Variants in DUS2 observed in about 807,000 individuals in gnomAD.
DUS2 encodes tRNA-dihydrouridine(20) synthase [NAD(P)+]-like.
A neutral mutation model predicts 71.3 loss-of-function variants in DUS2; 52 were observed. That is an observed-to-expected ratio of 0.73 (90% CI 0.58 to 0.92). The LOEUF (loss-of-function observed/expected upper bound fraction) is 0.92, where lower values mean the gene tolerates loss of function less well. DUS2 is among the 40% of genes least tolerant of loss of function. The pLI, the probability that DUS2 is intolerant of heterozygous loss-of-function variation, is 0.00. For missense variants in DUS2, 558 were observed against 622.6 expected (o/e 0.90, Z 1.10); for synonymous variants, 204 against 227.8 (o/e 0.90, Z 0.94).
chr16:68,077,650 A>G (rs568867082), intron 15 of DUS2: 1 of 152,196 alleles, frequency 6.6e-6, no homozygotes, highest in Non-Finnish European at 1.5e-5. Flanking sequence ...CGGCCTCCCA[A>G]AGTGCTAGGA....
chr16:68,037,208 C>G (rs2033543419), intron 2 of DUS2, among the ~76,000 whole-genome samples: 1 of 150,198 alleles, frequency 6.7e-6, no homozygotes, highest in East Asian at 2.0e-4. Flanking sequence ...GAGACTGGGT[C>G]AGTGACTGGC....
intron 3 of DUS2, among the ~76,000 whole-genome samples, chr16:68,043,303 G>A (rs1399113957): frequency 1.3e-5 from 2 of 152,134 alleles, no homozygotes; most frequent in African/African-American, 4.8e-5. Context: ...CTACTGGGGA[G>A]GCTGAGACAG....
intron 2 of DUS2, among the ~76,000 whole-genome samples, chr16:68,032,258 C>G (rs1311007260): frequency 6.6e-6 from 1 of 152,176 alleles, no homozygotes; most frequent in Non-Finnish European, 1.5e-5. Context: ...AGGCTGTCCT[C>G]TTGGCTACCA....
intron 10 of DUS2, among the ~76,000 whole-genome samples, chr16:68,068,860 A>T (rs2034045707): frequency 6.7e-6 from 1 of 149,246 alleles, no homozygotes; most frequent in African/African-American, 2.5e-5. Flanking sequence ...TTGGCTTCCC[A>T]AAGTGCAGGG....
chr16:68,046,442 G>A (rs981028437), intron 3 of DUS2, among the ~76,000 whole-genome samples: 1 of 151,264 alleles, frequency 6.6e-6, no homozygotes, highest in Non-Finnish European at 1.5e-5. Context: ...GCAGTGGCAC[G>A]ATCTCAGCTC....
At chr16:68,032,423 C>A (rs1318831587) in intron 2 of DUS2, among the ~76,000 whole-genome samples, 2 of 152,166 alleles carry the variant, frequency 1.3e-5, no homozygotes, top group South Asian at 2.1e-4. Context: ...GAGGATTGAA[C>A]AAGAAACTAC....
At chr16:68,031,075 T>C (rs2033430098) in intron 2 of DUS2, among the ~76,000 whole-genome samples, 2 of 152,122 alleles carry the variant, frequency 1.3e-5, no homozygotes, top group African/African-American at 4.8e-5. Context: ...GTAATTCAGA[T>C]AAAATGCTCT....
chr16:68,056,479 A>G (rs967365728), intron 7 of DUS2, 55 bp downstream of exon 7: 17 of 1,404,438 alleles, frequency 1.2e-5, no homozygotes, highest in Admixed American at 6.7e-5. Context: ...TAAGAGGCTG[A>G]CAAGACATAA....
chr16:68,053,873 C>T, intron 5 of DUS2: 1 of 517,068 alleles, frequency 1.9e-6, no homozygotes, highest in Admixed American at 3.4e-5. Flanking sequence ...TCTTATATGT[C>T]TCTAGTCTCA....
At chr16:68,078,711 C>A in intron 16 of DUS2, 38 bp from the exon 17 acceptor site, 3 of 1,576,094 alleles carry the variant, frequency 1.9e-6, no homozygotes, top group South Asian at 2.3e-5. Flanking sequence ...CATAGCCCTG[C>A]ACCCTGCCCC....
intron 1 of DUS2, chr16:68,024,110 T>TC (rs1430272261): frequency 6.6e-6 from 1 of 152,042 alleles, no homozygotes; most frequent in Non-Finnish European, 1.5e-5. Context: ...TTTTTTTTTT[T>TC]TTCTGAGACA....
chr16:68,023,543 T>G, intron 1 of DUS2, 192 bp downstream of exon 1: 1 of 309,690 alleles, frequency 3.2e-6, no homozygotes, highest in Non-Finnish European at 6.4e-6. Context: ...TGTTCCTCAT[T>G]GCCCTGAGAT....
At chr16:68,038,527 C>T (rs918294966) in intron 3 of DUS2, among the ~76,000 whole-genome samples, 1 of 150,746 alleles carries the variant, frequency 6.6e-6, no homozygotes, top group Non-Finnish European at 1.5e-5. Context: ...GTCAGGAGTT[C>T]GAGACCAGTC....
At chr16:68,026,758 C>T (rs1017480955) in intron 2 of DUS2, among the ~76,000 whole-genome samples, 2 of 151,936 alleles carry the variant, frequency 1.3e-5, no homozygotes, top group African/African-American at 2.4e-5. Flanking sequence ...CACCTGTAAT[C>T]CCAGCTACTC....
Position 68,079,145 on chromosome 16 carries a change from C to T in DUS2, c.*159C>T. On this transcript the variant is annotated 3_prime_UTR_variant, in exon 17 of 17. Transcript: ENST00000565263. ...ATCAGCCTAGAGCATGGACCAGGGG[C>T]CGCCCAGGGGTGGATCCTGGCCCCT... The T allele has an allele frequency of 1.6e-6, 1 of 624,436 alleles. No individual in the cohort carries two copies. 38.7% of individuals were successfully genotyped at this position (624,436 alleles called of 1,614,324 possible).
chr16:68,076,642 C>A lies in DUS2; in HGVS notation c.1093C>A (p.Pro365Thr), dbSNP rs2034160823. 3.1e-6 allele frequency: 5 copies of A among 1,613,734 alleles called. No homozygotes were observed. The highest frequency in any genetic ancestry group is 1.7e-5 in the Admixed American group (1 of 59,986). ...MAVKFDRRAY[P>T]AQITPKMCLL... ...CCTTCCTTTCCCCAGGAGAGCATAC[C>A]CAGCCCAGATCACCCCTAAGATGTG... Residue 365 changes from proline to threonine, a missense_variant, in exon 15 of 17, where the codon CCA becomes ACA. Coordinates refer to ENST00000565263, the MANE Select transcript of DUS2 (RefSeq NM_017803.5).
At chr16:68,062,276 G>T (rs2033950833) in intron 8 of DUS2, among the ~76,000 whole-genome samples, 1 of 151,938 alleles carries the variant, frequency 6.6e-6, no homozygotes, top group Non-Finnish European at 1.5e-5. Context: ...CTCCCAAAGT[G>T]CTGGGATTAC....
intron 13 of DUS2, among the ~76,000 whole-genome samples, chr16:68,074,570 T>G (rs1369044376): frequency 6.6e-6 from 1 of 152,174 alleles, no homozygotes; most frequent in Non-Finnish European, 1.5e-5. Context: ...CAGCTCTAGC[T>G]CAGATGGTTG....
At position 68,075,504 on chromosome 16, in the gene DUS2, G is replaced by C; in HGVS notation, c.1082G>C (p.Arg361Pro). The change falls in exon 14 of 17, where the codon CGG becomes CCG. Residue 361 changes from arginine (R) to proline (P), a missense_variant and splice_region_variant. Coordinates refer to ENST00000565263, the MANE Select transcript of DUS2 (RefSeq NM_017803.5). ...ATTAAGATGGCTGTCAAGTTTGACC[G>C]GTAGGTCTCCAGCTTGGCCTCAGCT... ...GVIKMAVKFD[R>P]RAYPAQITPK... 6.2e-7 allele frequency: 1 copy of C among 1,610,290 alleles called. No homozygotes were observed. The highest frequency in any genetic ancestry group is 8.5e-7 in the Non-Finnish European group (1 of 1,177,970).
Sources: gnomAD v4.1 joint callset for allele counts (sites outside exome capture counted in the v4.1 genomes callset) on GRCh38, gnomAD v4.1.1 for gene constraint, MANE v1.5 for transcripts, NCBI Gene and HGNC (gene_info 2026-07-23, HGNC 2026-07-21) for gene names.